Variants in ZNF536 observed in about 807,000 individuals in gnomAD.
The protein encoded by ZNF536 is zinc finger protein 536.
ZNF536 carries 13 observed loss-of-function variants against 84.5 expected under a neutral mutation model. The observed-to-expected ratio is 0.15, with a 90% CI of 0.10 to 0.24. The LOEUF is 0.24. Among genes scored for constraint, ZNF536 ranks in the 10% least tolerant of loss-of-function variants. ZNF536 has a pLI of 1.00. For synonymous variants in ZNF536, 811 were observed against 742.5 expected (o/e 1.09, Z -1.50); for missense variants, 1,536 against 1,747.5 (o/e 0.88, Z 2.16).
chr19:30,710,600 C>A (rs562113482), intron 1 of ZNF536, among the ~76,000 whole-genome samples: 2 of 152,268 alleles, frequency 1.3e-5, no homozygotes, highest in Non-Finnish European at 2.9e-5. Flanking sequence ...AGCTTATGTG[C>A]CTGATGTATC....
At chr19:30,561,229 A>G (rs536726460), downstream of ZNF536, among the ~76,000 whole-genome samples, 1 of 152,312 alleles carries the variant, frequency 6.6e-6, no homozygotes, top group East Asian at 1.9e-4. Context: ...ATGATGGACA[A>G]GTTGCTTTTT....
intron 1 of ZNF536, among the ~76,000 whole-genome samples, chr19:30,651,223 T>C (rs922878833): frequency 1.1e-4 from 16 of 152,148 alleles, no homozygotes; most frequent in African/African-American, 3.9e-4. Flanking sequence ...CGGGGCTGCT[T>C]TGGACAAAGG....
At chr19:30,557,117 G>T in intron 4 of ZNF536, 40 bp from the exon 5 acceptor site, 17 of 1,612,310 alleles carry the variant, frequency 1.1e-5, no homozygotes, top group Non-Finnish European at 1.4e-5. Context: ...AGCCCTGATG[G>T]TTTCTGGATT....
intron 2 of ZNF536, among the ~76,000 whole-genome samples, chr19:30,494,693 C>A (rs1232518213): frequency 6.6e-6 from 1 of 152,118 alleles, no homozygotes; most frequent in African/African-American, 2.4e-5. Flanking sequence ...ACCCTGTAAT[C>A]TCAGCACTTT....
At chr19:30,593,281 G>A (rs1287669401) in intron 1 of ZNF536, among the ~76,000 whole-genome samples, 1 of 152,130 alleles carries the variant, frequency 6.6e-6, no homozygotes, top group African/African-American at 2.4e-5. Context: ...ACCCTTTGTG[G>A]GCAGTGGGTC....
chr19:30,470,515 T>C (rs1382460196), intron 2 of ZNF536, among the ~76,000 whole-genome samples: 2 of 151,678 alleles, frequency 1.3e-5, no homozygotes, highest in Non-Finnish European at 2.9e-5. Context: ...TTAAGAGAAG[T>C]TTCAGATTTA....
chr19:30,685,862 A>T (rs2051158423), intron 1 of ZNF536, among the ~76,000 whole-genome samples: 1 of 152,128 alleles, frequency 6.6e-6, no homozygotes, highest in Admixed American at 6.5e-5. Flanking sequence ...TGCCTCCTGG[A>T]ACGTCATTTG....
chr19:30,578,035 G>A (rs763937917), intron 1 of ZNF536, among the ~76,000 whole-genome samples: 8 of 152,104 alleles, frequency 5.3e-5, no homozygotes, highest in Non-Finnish European at 1.0e-4. Context: ...CTCTGTTGCC[G>A]GCAACAGTGC....
intron 1 of ZNF536, among the ~76,000 whole-genome samples, chr19:30,431,992 C>CATATATATATATATATATATATATATAT (rs561025363): frequency 4.8e-5 from 7 of 144,596 alleles, no homozygotes; most frequent in East Asian, 2.5e-4. Flanking sequence ...TCATTAAAAG[C>CATATATATATATATATATATATATATAT]ATATATATAT....
At chr19:30,410,463 G>GTTTTTTTT (rs1165876265) in intron 1 of ZNF536, among the ~76,000 whole-genome samples, 1 of 94,690 alleles carries the variant, frequency 1.1e-5, no homozygotes. Flanking sequence ...AAAAGTGAAG[G>GTTTTTTTT]TCTTTTTTTT....
At chr19:30,709,059 T>A (rs936959628) in intron 1 of ZNF536, among the ~76,000 whole-genome samples, 2 of 152,068 alleles carry the variant, frequency 1.3e-5, no homozygotes, top group Non-Finnish European at 2.9e-5. Flanking sequence ...GCAGGGGAGA[T>A]GCCATTGCTT....
At chr19:30,266,480 T>C (rs761978711) in intron 1 of ZNF536, among the ~76,000 whole-genome samples, 1 of 152,206 alleles carries the variant, frequency 6.6e-6, no homozygotes, top group Non-Finnish European at 1.5e-5. Flanking sequence ...ACGGTTGGCA[T>C]ATGTTTAATT....
intron 1 of ZNF536, among the ~76,000 whole-genome samples, chr19:30,646,009 C>T (rs756894074): frequency 1.4e-4 from 22 of 152,112 alleles, no homozygotes; most frequent in Admixed American, 1.3e-3. Context: ...ATCTAGTCAC[C>T]GTCTTCTCCA....
intron 1 of ZNF536, among the ~76,000 whole-genome samples, chr19:30,611,666 C>G (rs1012511980): frequency 6.6e-6 from 1 of 152,080 alleles, no homozygotes; most frequent in African/African-American, 2.4e-5. Context: ...TGACATGGCG[C>G]GTACTATTTC....
chr19:30,226,622 C>T (rs1286846725), upstream of ZNF536, among the ~76,000 whole-genome samples: 3 of 152,114 alleles, frequency 2.0e-5, no homozygotes, highest in African/African-American at 7.2e-5. The surrounding 1 kb of genome is among the most constrained non-coding windows in gnomAD (Gnocchi z 4.6). Flanking sequence ...GCGCCCGCAG[C>T]ACCTGCCCCA....
intron 1 of ZNF536, among the ~76,000 whole-genome samples, chr19:30,610,776 G>T (rs556011280): frequency 6.6e-6 from 1 of 152,228 alleles, no homozygotes; most frequent in African/African-American, 2.4e-5. Context: ...AGGCGGGTGG[G>T]GGGGATGAGG....
At chr19:30,501,359 C>A (rs1436819300) in intron 2 of ZNF536, among the ~76,000 whole-genome samples, 3 of 152,186 alleles carry the variant, frequency 2.0e-5, no homozygotes. Flanking sequence ...ATACTGGATT[C>A]AACCCAGCAT....
At chr19:30,291,186 C>A (rs567285227) in intron 2 of ZNF536, among the ~76,000 whole-genome samples, 12 of 152,132 alleles carry the variant, frequency 7.9e-5, no homozygotes, top group Non-Finnish European at 1.8e-4. Context: ...GATTTATAAT[C>A]CTTTGGGTAT....
intron 2 of ZNF536, among the ~76,000 whole-genome samples, chr19:30,475,901 GT>G (rs1816550927): frequency 6.6e-6 from 1 of 152,158 alleles, no homozygotes; most frequent in South Asian, 2.1e-4. Flanking sequence ...GGGACTTAAG[GT>G]TACCTGCTTT....
Sources: gnomAD v4.1 joint callset for allele counts (sites outside exome capture counted in the v4.1 genomes callset) on GRCh38, gnomAD v4.1.1 for gene constraint, Gnocchi (gnomAD v3.1) non-coding constraint, MANE v1.5 for transcripts, NCBI Gene and HGNC (gene_info 2026-07-23, HGNC 2026-07-21) for gene names.